The following PEAK1 variants were observed in gnomAD, a reference collection of about 807,000 sequenced individuals.
PEAK1 encodes the protein pseudopodium enriched atypical kinase 1, also known as inactive tyrosine-protein kinase PEAK1.
PEAK1 carries 54 observed loss-of-function variants against 124.7 expected under a neutral mutation model. That is an observed-to-expected ratio of 0.43 (90% confidence interval 0.35 to 0.54). PEAK1 has a LOEUF of 0.54. PEAK1 is among the 20% of genes least tolerant of loss of function. PEAK1 has a pLI of 0.01. For missense variants in PEAK1, 2,046 were observed against 2,134.5 expected, an observed-to-expected ratio of 0.96 and a Z score of 0.82; for synonymous variants, 719 against 760.0, an observed-to-expected ratio of 0.95 and a Z score of 0.89.
rs145145431 is a variant in PEAK1 at position 77,390,539 on chromosome 15, C to A, written c.-665-25314G>T. Among the ~76,000 whole-genome samples the A allele has an allele frequency of 1.1e-3, 171 of 152,262 alleles. 3 individuals carry two copies. The East Asian group carries it at 0.026, about 23-fold the overall frequency. Reference sequence around the variant, plus strand: ...TGTAAAACTCCCAGAACATCAGCTGCACCTCTGTGGCTTCTCATCTTCCTC... The same window carrying A: ...TGTAAAACTCCCAGAACATCAGCTGAACCTCTGTGGCTTCTCATCTTCCTC... On this transcript the variant is annotated intron_variant, in intron 1 of 9. Transcript: ENST00000682557.
At chr15:77,360,417 T>G (rs942720314) in intron 2 of PEAK1, among the ~76,000 whole-genome samples, 8 of 152,116 alleles carry the variant, frequency 5.3e-5, no homozygotes, top group African/African-American at 1.9e-4. Context: ...TATCAAGAAG[T>G]GAAAAGACCC....
Position 77,185,779 on chromosome 15 carries a change from T to C in PEAK1, c.-114-3739A>G, listed in dbSNP as rs117098672. On this transcript the variant is annotated intron_variant, in intron 6 of 9. Transcript: ENST00000682557. ...GGAAAACCTAGATAATGTTGAATGG[T>C]AATATTGGGGAAAGATACAGGCCAG... Among the ~76,000 whole-genome samples the C allele has an allele frequency of 5.4e-3, 825 of 152,178 alleles. 4 individuals carry two copies. Among genetic ancestry groups the C allele is most frequent in the Non-Finnish European group, 9.4e-3 (642 of 67,968 alleles).
chr15:77,387,768 T>C (rs1460731946), intron 1 of PEAK1, among the ~76,000 whole-genome samples: 1 of 151,922 alleles, frequency 6.6e-6, no homozygotes, highest in Non-Finnish European at 1.5e-5. Flanking sequence ...TAAAAATAAA[T>C]AAAATAGTGA....
At chr15:77,352,674 G>GTAT (rs2067279134) in intron 2 of PEAK1, 8 of 946,056 alleles carry the variant, frequency 8.5e-6, no homozygotes, top group African/African-American at 7.1e-5. Context: ...ATGATATAGA[G>GTAT]TATTAACCTG....
chr15:77,205,240 A>T (rs1360056361), intron 6 of PEAK1: 3 of 105,702 alleles, frequency 2.8e-5, no homozygotes, highest in African/African-American at 1.7e-4. Flanking sequence ...ATCCCATCTC[A>T]TCCCATTTTT....
At chr15:77,406,058 G>A (rs1390055115) in intron 1 of PEAK1, among the ~76,000 whole-genome samples, 1 of 152,138 alleles carries the variant, frequency 6.6e-6, no homozygotes, top group Non-Finnish European at 1.5e-5. Context: ...ATGCTGCATA[G>A]AAGAAAATAG....
intron 2 of PEAK1, among the ~76,000 whole-genome samples, chr15:77,312,798 C>G (rs1044622492): frequency 2.0e-5 from 3 of 152,194 alleles, no homozygotes; most frequent in African/African-American, 7.2e-5. Context: ...AGAAAGCTCT[C>G]CCCAGTGGAC....
chr15:77,185,550 T>C (rs186539371), intron 6 of PEAK1, among the ~76,000 whole-genome samples: 11 of 152,300 alleles, frequency 7.2e-5, no homozygotes, highest in East Asian at 1.9e-4. Flanking sequence ...TACATGCCCA[T>C]TGGACTTGGC....
chr15:77,325,519 G>A (rs879066496), intron 2 of PEAK1, among the ~76,000 whole-genome samples: 5 of 151,976 alleles, frequency 3.3e-5, no homozygotes, highest in African/African-American at 4.8e-5. Flanking sequence ...GCTGTCAAGC[G>A]CTTTTATATA....
intron 6 of PEAK1, among the ~76,000 whole-genome samples, chr15:77,233,706 C>G (rs901691579): frequency 1.3e-5 from 2 of 152,146 alleles, no homozygotes; most frequent in African/African-American, 2.4e-5. Flanking sequence ...TTTTGTATAA[C>G]CGTCTTCTTG....
intron 2 of PEAK1, among the ~76,000 whole-genome samples, chr15:77,314,336 C>T (rs2064736791): frequency 6.6e-6 from 1 of 151,814 alleles, no homozygotes; most frequent in African/African-American, 2.4e-5. Context: ...GGTCTGTAGG[C>T]TGACCTCAAC....
chr15:77,374,242 T>C (rs996069340), intron 1 of PEAK1, among the ~76,000 whole-genome samples: 2 of 152,176 alleles, frequency 1.3e-5, no homozygotes, highest in Non-Finnish European at 1.5e-5. Flanking sequence ...AAGAGTCAGT[T>C]AATTATAAAT....
intron 5 of PEAK1, among the ~76,000 whole-genome samples, chr15:77,282,684 T>A (rs2062733479): frequency 6.6e-6 from 1 of 152,186 alleles, no homozygotes; most frequent in African/African-American, 2.4e-5. Flanking sequence ...TGTCATAACT[T>A]TTTTATGAAC....
intron 6 of PEAK1, among the ~76,000 whole-genome samples, chr15:77,202,732 G>A (rs1328529257): frequency 6.6e-6 from 1 of 150,722 alleles, no homozygotes; most frequent in Non-Finnish European, 1.5e-5. Context: ...TCATGCCACT[G>A]CACTCCAGCC....
rs1341400154 is a variant in PEAK1, at chr15:77,113,719, G to C, written c.*437C>G. The C allele has an allele frequency of 5.9e-6, 1 of 169,752 alleles. No homozygotes were observed. The highest frequency in any genetic ancestry group is 1.3e-5 in the Non-Finnish European group (1 of 78,036). The allele number at this position is 169,752 out of a possible 1,614,324, so 10.5% of individuals were successfully genotyped here. On this transcript the variant is annotated 3_prime_UTR_variant, in exon 10 of 10. Coordinates refer to ENST00000682557, the MANE Select transcript of PEAK1 (RefSeq NM_001385026.1). ...AAGAGTCTGTTGTCAGAGTCTACTG[G>C]GTCGTGGTAGAGACTGGTTAAGTCT...
At chr15:77,240,862 C>T (rs891770729) in intron 6 of PEAK1, among the ~76,000 whole-genome samples, 2 of 152,072 alleles carry the variant, frequency 1.3e-5, no homozygotes, top group Non-Finnish European at 2.9e-5. Flanking sequence ...TATTCAATGT[C>T]ATTATTCTTC....
chr15:77,379,018 G>A (rs556840101), intron 1 of PEAK1, among the ~76,000 whole-genome samples: 22 of 152,258 alleles, frequency 1.4e-4, no homozygotes, highest in South Asian at 6.2e-4. Context: ...TGTTTTTAAA[G>A]AGCTATATCT....
At chr15:77,174,735 G>T (rs2056737645) in intron 7 of PEAK1, among the ~76,000 whole-genome samples, 2 of 152,050 alleles carry the variant, frequency 1.3e-5, no homozygotes, top group Non-Finnish European at 2.9e-5. Flanking sequence ...TTTCTTCACA[G>T]AATTGGAAAA....
chr15:77,399,131 T>C (rs1330501880), intron 1 of PEAK1, among the ~76,000 whole-genome samples: 2 of 152,166 alleles, frequency 1.3e-5, no homozygotes, highest in African/African-American at 4.8e-5. Flanking sequence ...AATGGGAAGA[T>C]ATACCATGTT....
Sources: allele counts gnomAD v4.1 joint callset (sites outside exome capture counted in the v4.1 genomes callset), GRCh38; gene constraint gnomAD v4.1.1; transcripts MANE v1.5; gene names NCBI Gene and HGNC (gene_info 2026-07-23, HGNC 2026-07-21).